Variants in ZNF385D observed in about 807,000 individuals in gnomAD.
ZNF385D encodes zinc finger protein 659.
Under a neutral mutation model 35.8 loss-of-function variants are expected in ZNF385D, and 15 were observed. The ratio of observed to expected loss-of-function variants is 0.42; its 90% CI spans 0.28 to 0.64. The LOEUF (loss-of-function observed/expected upper bound fraction) is 0.64, where lower values mean the gene tolerates loss of function less well. Ranked by LOEUF, ZNF385D falls within the 30% of genes least tolerant of loss-of-function variation. The pLI is 0.23. For missense variants in ZNF385D, 474 were observed against 494.6 expected (o/e 0.96, Z 0.39); for synonymous variants, 212 against 186.8 (o/e 1.13, Z -1.10).
chr3:21,489,548 C>G (rs1705264180), intron 4 of ZNF385D, among the ~76,000 whole-genome samples: 1 of 152,126 alleles, frequency 6.6e-6, no homozygotes, highest in African/African-American at 2.4e-5. Context: ...CATTCTTTAA[C>G]TTCCCAGATG....
intron 3 of ZNF385D, among the ~76,000 whole-genome samples, chr3:22,067,393 G>A (rs972807788): frequency 1.3e-5 from 2 of 152,116 alleles, no homozygotes; most frequent in African/African-American, 4.8e-5. Flanking sequence ...GTCACATAAT[G>A]CAACAGTTTA....
chr3:21,970,218 G>C (rs1703161625), intron 3 of ZNF385D, among the ~76,000 whole-genome samples: 1 of 152,010 alleles, frequency 6.6e-6, no homozygotes. Flanking sequence ...TTCACCAAAT[G>C]AACTAAATAG....
At position 22,190,537 on chromosome 3, in the gene ZNF385D, A is replaced by G. The variant is rs138082861; in HGVS notation, c.107-21502T>C. On this transcript the variant is annotated intron_variant, in intron 2 of 5. Coordinates refer to the ZNF385D transcript ENST00000494108. Reference sequence around the variant, plus strand: ...TATAATGGCTAGCAGCCACAAGTTCATAAAGTAATTGCTAATATCGTTAAG... The same window carrying G: ...TATAATGGCTAGCAGCCACAAGTTCGTAAAGTAATTGCTAATATCGTTAAG... Among the ~76,000 whole-genome samples the G allele has an allele frequency of 6.3e-3, 954 of 152,300 alleles. 11 individuals are homozygous for G. Among genetic ancestry groups the G allele is most frequent in the Admixed American group, 9.6e-3 (146 of 15,262 alleles).
intron 4 of ZNF385D, among the ~76,000 whole-genome samples, chr3:21,444,765 G>A (rs1164907650): frequency 6.6e-6 from 1 of 151,986 alleles, no homozygotes; most frequent in Non-Finnish European, 1.5e-5. Context: ...TGATTTGAGA[G>A]GGCAATGTGA....
intron 3 of ZNF385D, among the ~76,000 whole-genome samples, chr3:22,081,779 C>G (rs1351105029): frequency 6.6e-6 from 1 of 152,164 alleles, no homozygotes; most frequent in Non-Finnish European, 1.5e-5. Flanking sequence ...TATTGATTCT[C>G]TGGTCATTTT....
chr3:22,178,361 CT>C (rs1318745820), intron 2 of ZNF385D, among the ~76,000 whole-genome samples: 1 of 152,136 alleles, frequency 6.6e-6, no homozygotes, highest in Non-Finnish European at 1.5e-5. Flanking sequence ...TTTCATGTGT[CT>C]TTTGGCTGCA....
intron 3 of ZNF385D, among the ~76,000 whole-genome samples, chr3:22,007,421 T>A (rs1322390685): frequency 6.6e-6 from 1 of 152,240 alleles, no homozygotes; most frequent in African/African-American, 2.4e-5. Flanking sequence ...TTTCCAAATT[T>A]GCAATTTCTA....
chr3:22,257,264 G>C (rs1700364255), intron 2 of ZNF385D, among the ~76,000 whole-genome samples: 1 of 151,748 alleles, frequency 6.6e-6, no homozygotes, highest in Admixed American at 6.6e-5. Context: ...CCTTTAACAG[G>C]ACTGTTAGAT....
chr3:21,567,655 G>A (rs997904775), intron 2 of ZNF385D, among the ~76,000 whole-genome samples: 3 of 152,230 alleles, frequency 2.0e-5, no homozygotes, highest in African/African-American at 4.8e-5. Context: ...GTGCACAAAC[G>A]GGATGTGTTT....
intron 4 of ZNF385D, among the ~76,000 whole-genome samples, chr3:21,495,791 T>C (rs1241317596): frequency 6.6e-6 from 1 of 151,498 alleles, no homozygotes; most frequent in African/African-American, 2.4e-5. Flanking sequence ...AATAGATAGA[T>C]AAAACACTAG....
At chr3:22,006,460 G>A (rs1299699148) in intron 3 of ZNF385D, among the ~76,000 whole-genome samples, 2 of 152,048 alleles carry the variant, frequency 1.3e-5, no homozygotes, top group African/African-American at 4.8e-5. Flanking sequence ...TGATTTTGAA[G>A]TGATCTTTTA....
intron 1 of ZNF385D, among the ~76,000 whole-genome samples, chr3:21,729,487 T>C (rs2068901465): frequency 6.6e-6 from 1 of 152,112 alleles, no homozygotes; most frequent in South Asian, 2.1e-4. Context: ...ACTTAAGGAC[T>C]TTGGCAATCT....
At chr3:22,362,121 T>G (rs1696437524) in intron 2 of ZNF385D, among the ~76,000 whole-genome samples, 1 of 151,668 alleles carries the variant, frequency 6.6e-6, no homozygotes, top group Non-Finnish European at 1.5e-5. Context: ...TATGGAAACT[T>G]TTACTTTTGT....
chr3:21,587,484 C>G (rs1235299408), intron 2 of ZNF385D, among the ~76,000 whole-genome samples: 1 of 152,072 alleles, frequency 6.6e-6, no homozygotes, highest in African/African-American at 2.4e-5. Flanking sequence ...TGAATAGTGA[C>G]AACACAGACC....
At chr3:21,997,284 T>C (rs989964704) in intron 3 of ZNF385D, among the ~76,000 whole-genome samples, 19 of 151,980 alleles carry the variant, frequency 1.3e-4, no homozygotes, top group African/African-American at 4.3e-4. Flanking sequence ...CACTCATAGG[T>C]GGGAATTGAA....
intron 3 of ZNF385D, among the ~76,000 whole-genome samples, chr3:21,905,861 G>A (rs564761382): frequency 2.0e-5 from 3 of 152,130 alleles, no homozygotes; most frequent in South Asian, 2.1e-4. Context: ...CTGGAAAATC[G>A]TATTTTAACA....
chr3:22,326,847 T>C (rs1559521687), intron 2 of ZNF385D, among the ~76,000 whole-genome samples: 3 of 152,224 alleles, frequency 2.0e-5, no homozygotes, highest in Admixed American at 2.0e-4. Flanking sequence ...AAGTATTTTC[T>C]ATTACTTATT....
chr3:21,970,294 G>A (rs968473763), intron 3 of ZNF385D, among the ~76,000 whole-genome samples: 1 of 152,058 alleles, frequency 6.6e-6, no homozygotes, highest in Non-Finnish European at 1.5e-5. Flanking sequence ...CTGTTTTGAG[G>A]AAACTCAAAG....
At position 21,418,521 on chromosome 3, in the gene ZNF385D, T is replaced by C. The variant is rs1044614777; in HGVS notation, c.*2693A>G. 2.6e-5 allele frequency: 4 copies of C among 152,158 alleles called. No individual in the cohort carries two copies. The highest frequency in any genetic ancestry group is 3.2e-3 in the Middle Eastern group (1 of 316). The allele number at this position is 152,158 out of a possible 1,614,324, so 9.4% of individuals were successfully genotyped here. A position where few individuals can be genotyped will look rare whatever the true frequency, so the allele number is the denominator to read the frequency against. On this transcript the variant is annotated 3_prime_UTR_variant, in exon 8 of 8. Transcript: ENST00000281523. ...GACCATTTAAACAAAAATGGTTCCATAGCGAAGTGAGGCAGAAGGGATCCA... is the reference window on the plus strand; with the variant it reads ...GACCATTTAAACAAAAATGGTTCCACAGCGAAGTGAGGCAGAAGGGATCCA...
Sources: allele counts gnomAD v4.1 joint callset (sites outside exome capture counted in the v4.1 genomes callset), GRCh38; gene constraint gnomAD v4.1.1; transcripts MANE v1.5; gene names NCBI Gene and HGNC (gene_info 2026-07-23, HGNC 2026-07-21).